The following GABRA4 variants were observed in gnomAD, a reference collection of about 807,000 sequenced individuals.
GABRA4 encodes gamma-aminobutyric acid receptor subunit alpha-4.
In GABRA4, 12 loss-of-function variants were observed where a neutral mutation model predicts 49.7. That is an observed-to-expected ratio of 0.24 (90% CI 0.15 to 0.39). The LOEUF (loss-of-function observed/expected upper bound fraction) is 0.39. Ranked by LOEUF, GABRA4 falls within the 10% of genes least tolerant of loss-of-function variation. The probability of loss-of-function intolerance (pLI) is 1.00; values close to 1 mark genes in which losing one functional copy is unlikely to be tolerated. For missense variants in GABRA4, 506 were observed against 686.0 expected (o/e 0.74, Z 2.93); for synonymous variants, 288 against 240.2 (o/e 1.20, Z -1.84).
At chr4:46,953,610 A>T (rs1348241826) in intron 8 of GABRA4, among the ~76,000 whole-genome samples, 1 of 152,174 alleles carries the variant, frequency 6.6e-6, no homozygotes, top group Non-Finnish European at 1.5e-5. Context: ...TGCAAAATTA[A>T]TTGGTGATTT....
At chr4:46,931,808 A>G (rs1306507786) in intron 8 of GABRA4, among the ~76,000 whole-genome samples, 1 of 152,158 alleles carries the variant, frequency 6.6e-6, no homozygotes, top group African/African-American at 2.4e-5. Context: ...TCATTTGGAG[A>G]ATAGCCAGTT....
At chr4:46,954,838 T>C (rs2109362096) in intron 8 of GABRA4, among the ~76,000 whole-genome samples, 1 of 152,236 alleles carries the variant, frequency 6.6e-6, no homozygotes, top group East Asian at 1.9e-4. Flanking sequence ...AGCTTTCTGA[T>C]GCCAAACAGG....
intron 7 of GABRA4, among the ~76,000 whole-genome samples, chr4:46,969,525 C>T (rs983380429): frequency 6.6e-6 from 1 of 151,398 alleles, no homozygotes; most frequent in Non-Finnish European, 1.5e-5. Context: ...TCCAATAGTA[C>T]AACACTAGAA....
At chr4:46,987,089 T>C (rs1211735108) in intron 2 of GABRA4, among the ~76,000 whole-genome samples, 1 of 152,094 alleles carries the variant, frequency 6.6e-6, no homozygotes, top group African/African-American at 2.4e-5. Context: ...CTAAAATCTT[T>C]CCAGTCACTT....
At position 46,930,187 on chromosome 4, in the gene GABRA4, A is replaced by G. The variant is rs113865205; in HGVS notation, c.1135-1432T>C. ...TGTAGTATTCTTCTAAGCAGGGTGC[A>G]GTTGAACTAATGAGAAATTGTAGCC... On this transcript the variant is annotated intron_variant, in intron 8 of 8. Transcript: ENST00000264318. Among the ~76,000 whole-genome samples the G allele has an allele frequency of 3.0e-3, 453 of 152,152 alleles. 1 individual carries two copies. The highest frequency in any genetic ancestry group is 9.7e-3 in the African/African-American group (404 of 41,548).
In GABRA4 at chr4:46,964,990, G is replaced by C; in HGVS notation, c.1114C>G (p.His372Asp). The change falls in exon 8 of 9, where the codon CAT becomes GAT. Residue 372 changes from histidine (H) to aspartate (D), a missense_variant. By Grantham distance (81) the His-to-Asp change is moderately conservative. Around this residue, in one of 5 missense-constraint regions of GABRA4, gnomAD observed 243 missense variants for 210.8 expected, o/e 1.15. Coordinates refer to ENST00000264318, the MANE Select transcript of GABRA4 (RefSeq NM_000809.4). ...AATACCTGCAGAGGGGCTTCAGGAT[G>C]CTTCTCTCTCTGCACTGGAGCAGCG... ...VPAAPVQREK[H>D]PEAPLQNTNA... is the part of the protein sequence containing the mutation. 1 of 1,604,504 alleles carries C rather than the reference G, an allele frequency of 6.2e-7. No individual in the cohort carries two copies. Among genetic ancestry groups the C allele is most frequent in the Non-Finnish European group, 8.5e-7 (1 of 1,174,754 alleles).
At chr4:46,933,019 A>C (rs35989353) in intron 8 of GABRA4, among the ~76,000 whole-genome samples, 37,063 of 152,110 alleles carry the variant, frequency 0.24, 4,718 homozygotes, top group East Asian at 0.29. Flanking sequence ...AGGAGAGTCT[A>C]AGCAAAAATA....
chr4:46,928,711 C>A lies in GABRA4; in HGVS notation c.1179G>T (p.Leu393Phe), dbSNP rs1721328011. 1 of 1,612,436 alleles carries A rather than the reference C, an allele frequency of 6.2e-7. No homozygotes were observed. The highest frequency in any genetic ancestry group is 8.5e-7 in the Non-Finnish European group (1 of 1,178,988). The change falls in exon 9 of 9, where the codon TTG becomes TTT. Residue 393 changes from leucine to phenylalanine, a missense_variant. By Grantham distance (22) the Leu-to-Phe change is conservative. This residue lies in a region of GABRA4 where 243 missense variants were observed against 210.8 expected (regional missense o/e 1.15). Transcript: ENST00000264318. The part of the protein sequence containing the change: ...NLNMRKRTNA[L>F]VHSESDVGNR... Reference sequence around the variant, plus strand: ...TGCCAACATCAGATTCAGAGTGAACCAAAGCATTTGTTCTTTTTCTCATGT... The same window carrying A: ...TGCCAACATCAGATTCAGAGTGAACAAAAGCATTTGTTCTTTTTCTCATGT...
chr4:46,978,048 A>G (rs1034925191), intron 3 of GABRA4, among the ~76,000 whole-genome samples: 20 of 152,082 alleles, frequency 1.3e-4, no homozygotes, highest in African/African-American at 4.8e-4. Context: ...TGTGTAAGAG[A>G]TATTTTATTT....
intron 8 of GABRA4, among the ~76,000 whole-genome samples, chr4:46,963,561 A>T (rs1722651613): frequency 6.6e-6 from 1 of 151,828 alleles, no homozygotes; most frequent in Non-Finnish European, 1.5e-5. Context: ...AGGCCTCCCC[A>T]GCCATATGAG....
intron 8 of GABRA4, among the ~76,000 whole-genome samples, chr4:46,944,457 C>T (rs1262244125): frequency 1.3e-5 from 2 of 152,076 alleles, no homozygotes; most frequent in Admixed American, 6.6e-5. Context: ...TTCCTTCTCA[C>T]TTCCCTCACA....
In GABRA4 at chr4:46,928,191, C is replaced by T; in HGVS notation, c.*34G>A. On this transcript the variant is annotated 3_prime_UTR_variant, in exon 9 of 9. Coordinates refer to ENST00000264318, the MANE Select transcript of GABRA4 (RefSeq NM_000809.4). ...CATTTAAAAAGACATTCTGCATTTT[C>T]ATCATCTTTTAGCAAACTACTATAG... 6.7e-7 allele frequency: 1 copy of T among 1,486,650 alleles called. No individual in the cohort carries two copies. Among genetic ancestry groups the T allele is most frequent in the Non-Finnish European group, 9.1e-7 (1 of 1,102,752 alleles). The allele number at this position is 1,486,650 out of a possible 1,614,324, so 92.1% of individuals were successfully genotyped here. A position where few individuals can be genotyped will look rare whatever the true frequency, so the allele number is the denominator to read the frequency against.
At chr4:46,963,721 C>T (rs1460352173) in intron 8 of GABRA4, among the ~76,000 whole-genome samples, 1 of 151,748 alleles carries the variant, frequency 6.6e-6, no homozygotes, top group African/African-American at 2.4e-5. Context: ...CATCACTGAT[C>T]ATCAGAGAAA....
chr4:46,975,696 G>A (rs1296379212), intron 5 of GABRA4, among the ~76,000 whole-genome samples: 4 of 151,886 alleles, frequency 2.6e-5, no homozygotes, highest in Non-Finnish European at 5.9e-5. Context: ...TCCTTCTGAA[G>A]AGAGCTTTTT....
intron 8 of GABRA4, among the ~76,000 whole-genome samples, chr4:46,935,845 T>A (rs1354020606): frequency 2.0e-5 from 3 of 152,062 alleles, no homozygotes; most frequent in African/African-American, 7.2e-5. Flanking sequence ...AAAAGAATAT[T>A]CTATGGTGAA....
Position 46,925,763 on chromosome 4 carries a change from CATTATT to C in GABRA4, c.*2456_*2461del, listed in dbSNP as rs1577736870. The C allele has an allele frequency of 4.0e-5, 5 of 125,614 alleles. 1 individual carries two copies. The highest frequency in any genetic ancestry group is 1.6e-4 in the Admixed American group (2 of 12,246). 7.8% of individuals were successfully genotyped at this position (125,614 alleles called of 1,614,324 possible). ...TTATTATTATTATTATTATTATCAT[CATTATT>C]ATCATTGTGTGCAAATGAAATAATT... On this transcript the variant is annotated 3_prime_UTR_variant, in exon 9 of 9. Coordinates refer to ENST00000264318, the MANE Select transcript of GABRA4 (RefSeq NM_000809.4).
At chr4:46,985,660 C>T (rs1723507412) in intron 2 of GABRA4, among the ~76,000 whole-genome samples, 2 of 151,966 alleles carry the variant, frequency 1.3e-5, no homozygotes, top group South Asian at 4.2e-4. Flanking sequence ...CAAATATCCA[C>T]CAATTTTCTA....
chr4:46,963,702 G>A (rs1116736), intron 8 of GABRA4, among the ~76,000 whole-genome samples: 15,011 of 151,704 alleles, frequency 0.099, 871 homozygotes, highest in South Asian at 0.24. Context: ...TATAGGTAAA[G>A]GTGCTCAACA....
rs1441253275 is a variant in GABRA4, at chr4:46,925,902, T to C, written c.*2323A>G. The C allele has an allele frequency of 6.6e-6, 1 of 151,602 alleles. No individual in the cohort carries two copies. Among genetic ancestry groups the C allele is most frequent in the Non-Finnish European group, 1.5e-5 (1 of 67,772 alleles). 9.4% of individuals were successfully genotyped at this position (151,602 alleles called of 1,614,324 possible). ...TCTCATTCTTTGGCCACATGATGTA[T>C]TTTTAAACCTTCATATGTAAAGGTA... On this transcript the variant is annotated 3_prime_UTR_variant, in exon 9 of 9. Transcript: ENST00000264318.
Sources: allele counts gnomAD v4.1 joint callset (sites outside exome capture counted in the v4.1 genomes callset), GRCh38; gene constraint gnomAD v4.1.1; regional missense constraint gnomAD v4.1.1; transcripts MANE v1.5; gene names NCBI Gene and HGNC (gene_info 2026-07-23, HGNC 2026-07-21).